Variants in C15orf61 observed in about 807,000 individuals in gnomAD.
C15orf61 encodes uncharacterized protein C15orf61.
Under a neutral mutation model 13.7 loss-of-function variants are expected in C15orf61, and 12 were observed. The observed-to-expected ratio is 0.88, with a 90% confidence interval of 0.56 to 1.42. The LOEUF (loss-of-function observed/expected upper bound fraction) is 1.42, where lower values mean the gene tolerates loss of function less well. Ranked by LOEUF, C15orf61 falls within the 40% of genes most tolerant of loss-of-function variation. The pLI is 0.00. For missense variants in C15orf61, 248 were observed against 213.2 expected (o/e 1.16, Z -1.02); for synonymous variants, 92 against 94.1 (o/e 0.98, Z 0.13).
chr15:67,524,199 C>G (rs2084185799), intron 1 of C15orf61, among the ~76,000 whole-genome samples: 2 of 152,080 alleles, frequency 1.3e-5, no homozygotes, highest in African/African-American at 4.8e-5. Flanking sequence ...TCTCAGTATG[C>G]TTAGAAAATT....
In C15orf61 at chr15:67,521,902, GGGC is replaced by G. The variant is rs1596527851; in HGVS notation, c.346+310_346+312del. The G allele has an allele frequency of 1.5e-4, 98 of 665,112 alleles. No individual in the cohort carries two copies. In the East Asian group the frequency reaches 2.7e-3, roughly 18 times the overall value. The allele number at this position is 665,112 out of a possible 1,614,324, so 41.2% of individuals were successfully genotyped here. A position where few individuals can be genotyped will look rare whatever the true frequency, so the allele number is the denominator to read the frequency against. ...CCCCTGGCCTGGGCAGTAAGCCAGG[GGGC>G]GTCAGGAAACGCCCCCTAGAAAGTG... On this transcript the variant is annotated intron_variant, in intron 1 of 1. Coordinates refer to ENST00000342683, the MANE Select transcript of C15orf61 (RefSeq NM_001143936.2).
Position 67,529,283 on chromosome 15 carries a change from T to C in C15orf61, c.*2738T>C, listed in dbSNP as rs1055463211. The stretch of plus-strand genomic sequence containing the variant: ...CACTATAAAGATGCAGTAACCTATT[T>C]GGGAGCGTGAGAGAGGCTGCTAATA... On this transcript the variant is annotated 3_prime_UTR_variant, in exon 2 of 2. Coordinates refer to ENST00000342683, the MANE Select transcript of C15orf61 (RefSeq NM_001143936.2). The surrounding 1 kb of genome is among the most constrained non-coding windows in gnomAD (Gnocchi z 4.4). 5.3e-5 allele frequency: 8 copies of C among 152,208 alleles called. No individual in the cohort carries two copies. The highest frequency in any genetic ancestry group is 3.3e-4 in the Admixed American group (5 of 15,282). 9.4% of individuals were successfully genotyped at this position (152,208 alleles called of 1,614,324 possible). A position where few individuals can be genotyped will look rare whatever the true frequency, so the allele number is the denominator to read the frequency against.
rs2084156469 is a variant in C15orf61, at chr15:67,521,220, A to C, written c.-29A>C. The C allele has an allele frequency of 8.4e-7, 1 of 1,195,898 alleles. No homozygotes were observed. 74.1% of individuals were successfully genotyped at this position (1,195,898 alleles called of 1,614,324 possible). Reference sequence around the variant, plus strand: ...CGCTTGCGCGCCAGCGGCTGCGGACACCAGCCTGCGTCCCCGGCGCGGCGG... The same window carrying C: ...CGCTTGCGCGCCAGCGGCTGCGGACCCCAGCCTGCGTCCCCGGCGCGGCGG... On this transcript the variant is annotated 5_prime_UTR_variant, in exon 1 of 2. Transcript: ENST00000342683.
chr15:67,526,278 TAATC>T (rs1240370445), intron 1 of C15orf61, 136 bp from the exon 2 acceptor site: 3 of 566,314 alleles, frequency 5.3e-6, no homozygotes, highest in African/African-American at 3.9e-5. Flanking sequence ...AGCTCTTAGA[TAATC>T]AGAGTCAATG....
In C15orf61 at chr15:67,525,907, A is replaced by G. The variant is rs1336906213; in HGVS notation, c.347-511A>G. On this transcript the variant is annotated intron_variant, in intron 1 of 1. Transcript: ENST00000342683. This position sits in a 1 kb window ranked among gnomAD's most constrained non-coding sequence, Gnocchi z 4.9. ...CGCGCGCCTGTAGTCCCAGCTACTC[A>G]GGAGGCTGAGGCAGGAGAATCGCTT... 6.6e-6 allele frequency among the ~76,000 whole-genome samples: 1 copy of G among 152,142 alleles called. No individual in the cohort carries two copies. Among genetic ancestry groups the G allele is most frequent in the African/African-American group, 2.4e-5 (1 of 41,440 alleles).
At chr15:67,521,879 C>T in intron 1 of C15orf61, 1 of 646,108 alleles carries the variant, frequency 1.5e-6, no homozygotes, top group Admixed American at 2.6e-5. Flanking sequence ...AGAGTAGACC[C>T]CTGGCCTGGG....
intron 1 of C15orf61, chr15:67,522,298 C>G: frequency 1.5e-6 from 1 of 688,696 alleles, no homozygotes; most frequent in Non-Finnish European, 2.6e-6. Flanking sequence ...CAGAAGGCCT[C>G]AAGATGTTTT....
chr15:67,527,106 A>T lies in C15orf61; in HGVS notation c.*561A>T, dbSNP rs2084203234. 6.6e-6 allele frequency: 1 copy of T among 152,208 alleles called. No homozygotes were observed. The highest frequency in any genetic ancestry group is 2.4e-5 in the African/African-American group (1 of 41,462). 9.4% of individuals were successfully genotyped at this position (152,208 alleles called of 1,614,324 possible). A position where few individuals can be genotyped will look rare whatever the true frequency, so the allele number is the denominator to read the frequency against. Reference sequence around the variant, plus strand: ...GAGGAGGGGTTGGAGTGTAATGTTGAAACTTCTTGTTGCTTAAAGAGTCCA... The same window carrying T: ...GAGGAGGGGTTGGAGTGTAATGTTGTAACTTCTTGTTGCTTAAAGAGTCCA... On this transcript the variant is annotated 3_prime_UTR_variant, in exon 2 of 2. Transcript: ENST00000342683.
chr15:67,521,726 C>G lies in C15orf61; in HGVS notation c.346+132C>G, dbSNP rs370674135. 1.4e-5 allele frequency: 14 copies of G among 977,814 alleles called. No homozygotes were observed. In the East Asian group the frequency reaches 1.9e-4, roughly 13 times the overall value. 60.6% of individuals were successfully genotyped at this position (977,814 alleles called of 1,614,324 possible). Reference sequence around the variant, plus strand: ...AGTCAGCTCTGCCTCCCGGCGCCGGCTTCGCCTGGGGTCCTTTGTACTCCT... The same window carrying G: ...AGTCAGCTCTGCCTCCCGGCGCCGGGTTCGCCTGGGGTCCTTTGTACTCCT... On this transcript the variant is annotated intron_variant, in intron 1 of 1. Coordinates refer to ENST00000342683, the MANE Select transcript of C15orf61 (RefSeq NM_001143936.2).
intron 1 of C15orf61, among the ~76,000 whole-genome samples, chr15:67,523,280 G>T (rs541453186): frequency 4.5e-4 from 68 of 152,234 alleles, no homozygotes; most frequent in African/African-American, 1.6e-3. Context: ...AGGTAGAGGG[G>T]ATGTGAATTA....
chr15:67,524,294 A>AT (rs2084186222), intron 1 of C15orf61, among the ~76,000 whole-genome samples: 1 of 151,560 alleles, frequency 6.6e-6, no homozygotes, highest in Non-Finnish European at 1.5e-5. Context: ...TTTTAAATTT[A>AT]TTTTTTATTT....
At chr15:67,524,977 T>C (rs1311385775) in intron 1 of C15orf61, among the ~76,000 whole-genome samples, 2 of 151,954 alleles carry the variant, frequency 1.3e-5, no homozygotes, top group Non-Finnish European at 2.9e-5. Flanking sequence ...GCTGGGATTA[T>C]AGGCATGCGC....
rs897492377 is a variant in C15orf61, at chr15:67,527,158, A to G, written c.*613A>G. On this transcript the variant is annotated 3_prime_UTR_variant, in exon 2 of 2. Coordinates refer to ENST00000342683, the MANE Select transcript of C15orf61 (RefSeq NM_001143936.2). ...AACCATATCGTTTGTAAAATGTAATAATAACTGGTTAATATAAGTGTAGCA... is the reference window on the plus strand; with the variant it reads ...AACCATATCGTTTGTAAAATGTAATGATAACTGGTTAATATAAGTGTAGCA... 1.8e-4 allele frequency: 27 copies of G among 152,212 alleles called. No homozygotes were observed. Among genetic ancestry groups the G allele is most frequent in the Admixed American group, 1.8e-3 (27 of 15,278 alleles). 9.4% of individuals were successfully genotyped at this position (152,212 alleles called of 1,614,324 possible). A position where few individuals can be genotyped will look rare whatever the true frequency, so the allele number is the denominator to read the frequency against.
chr15:67,526,414 C>T lies in C15orf61; in HGVS notation c.347-4C>T. On this transcript the variant is annotated splice_region_variant and splice_polypyrimidine_tract_variant and intron_variant, in intron 1 of 1. Coordinates refer to ENST00000342683, the MANE Select transcript of C15orf61 (RefSeq NM_001143936.2). ...ATGTTTATACATATTCGTTTGTTTT[C>T]TAGGTATTCCAACTTTATTATATGG... The T allele has an allele frequency of 6.6e-7, 1 of 1,511,746 alleles. No individual in the cohort carries two copies. The highest frequency in any genetic ancestry group is 9.0e-7 in the Non-Finnish European group (1 of 1,115,636). 93.6% of individuals were successfully genotyped at this position (1,511,746 alleles called of 1,614,324 possible). A position where few individuals can be genotyped will look rare whatever the true frequency, so the allele number is the denominator to read the frequency against.
At position 67,521,191 on chromosome 15, in the gene C15orf61, GGCGCGCTT is replaced by G; in HGVS notation, c.-51_-44del. 1.8e-6 allele frequency: 2 copies of G among 1,134,056 alleles called. No individual in the cohort carries two copies. 70.2% of individuals were successfully genotyped at this position (1,134,056 alleles called of 1,614,324 possible). A position where few individuals can be genotyped will look rare whatever the true frequency, so the allele number is the denominator to read the frequency against. On this transcript the variant is annotated 5_prime_UTR_variant, in exon 1 of 2. Coordinates refer to ENST00000342683, the MANE Select transcript of C15orf61 (RefSeq NM_001143936.2). ...TTGGCCTTCCCGGCGCTCGCCCGGGGGCGCGCTTGCGCGCCAGCGGCTGCGGACACCAG... is the reference window on the plus strand; with the variant it reads ...TTGGCCTTCCCGGCGCTCGCCCGGGGGCGCGCCAGCGGCTGCGGACACCAG...
At chr15:67,523,476 A>G (rs1434455255) in intron 1 of C15orf61, among the ~76,000 whole-genome samples, 1 of 152,092 alleles carries the variant, frequency 6.6e-6, no homozygotes, top group Non-Finnish European at 1.5e-5. Flanking sequence ...CTTCCCTTCA[A>G]TGGAAGCTGA....
At chr15:67,522,720 C>A (rs1459027627) in intron 1 of C15orf61, among the ~76,000 whole-genome samples, 1 of 152,166 alleles carries the variant, frequency 6.6e-6, no homozygotes, top group Non-Finnish European at 1.5e-5. Flanking sequence ...TTTGGAAAGA[C>A]TGGAGTGTTA....
chr15:67,526,079 T>C (rs1447707051), intron 1 of C15orf61, among the ~76,000 whole-genome samples: 1 of 152,194 alleles, frequency 6.6e-6, no homozygotes, highest in Non-Finnish European at 1.5e-5. Flanking sequence ...ATCAGGAGCG[T>C]CTACAACTAA....
Sources: gnomAD v4.1 joint callset for allele counts (sites outside exome capture counted in the v4.1 genomes callset) on GRCh38, gnomAD v4.1.1 for gene constraint, Gnocchi (gnomAD v3.1) non-coding constraint, MANE v1.5 for transcripts, NCBI Gene and HGNC (gene_info 2026-07-23, HGNC 2026-07-21) for gene names.